The following ARHGAP15 variants were observed in gnomAD, a reference collection of about 807,000 sequenced individuals.
The protein encoded by ARHGAP15 is Rho GTPase activating protein 15.
In ARHGAP15, 51 loss-of-function variants were observed where a neutral mutation model predicts 63.7. The ratio of observed to expected loss-of-function variants is 0.80; its 90% CI spans 0.64 to 1.01. The LOEUF is 1.01. Ranked by LOEUF, ARHGAP15 falls within the 50% of genes least tolerant of loss-of-function variation. The pLI is 0.00. For missense variants in ARHGAP15, 560 were observed against 564.6 expected, an observed-to-expected ratio of 0.99 and a Z score of 0.08; for synonymous variants, 191 against 193.8, an observed-to-expected ratio of 0.99 and a Z score of 0.12.
intron 8 of ARHGAP15, among the ~76,000 whole-genome samples, chr2:143,459,777 C>T (rs1431652411): frequency 6.6e-6 from 1 of 152,006 alleles, no homozygotes; most frequent in Non-Finnish European, 1.5e-5. Context: ...AACAGTGGGC[C>T]TTTGTTTAAA....
chr2:143,476,486 G>A (rs905855089), intron 8 of ARHGAP15, among the ~76,000 whole-genome samples: 4 of 152,256 alleles, frequency 2.6e-5, no homozygotes, highest in African/African-American at 9.6e-5. Flanking sequence ...ACATTCTAAG[G>A]TTTGGGAAAA....
At chr2:143,633,469 T>G (rs963706220) in intron 12 of ARHGAP15, among the ~76,000 whole-genome samples, 7 of 152,080 alleles carry the variant, frequency 4.6e-5, no homozygotes, top group Non-Finnish European at 8.8e-5. Flanking sequence ...ATTAATTGAG[T>G]GGTAAGACAT....
At chr2:143,304,732 T>C (rs1246180578) in intron 6 of ARHGAP15, among the ~76,000 whole-genome samples, 1 of 152,054 alleles carries the variant, frequency 6.6e-6, no homozygotes, top group Non-Finnish European at 1.5e-5. Flanking sequence ...TTTAAAAAGC[T>C]CATCACTGGT....
chr2:143,608,745 C>T (rs1014509685), intron 11 of ARHGAP15: 3 of 152,152 alleles, frequency 2.0e-5, no homozygotes, highest in African/African-American at 7.2e-5. Context: ...GAAATAAAAA[C>T]ACCTGTTTTA....
At chr2:143,530,528 T>C (rs1208365761) in intron 10 of ARHGAP15, among the ~76,000 whole-genome samples, 2 of 152,206 alleles carry the variant, frequency 1.3e-5, no homozygotes, top group Non-Finnish European at 2.9e-5. Context: ...ACTATCCACT[T>C]TCTGGTTCAA....
Position 143,519,345 on chromosome 2 carries a change from T to G in ARHGAP15, c.906T>G (p.Ile302Met). 1 of 1,612,670 alleles carries G rather than the reference T, an allele frequency of 6.2e-7. No homozygotes were observed. Among genetic ancestry groups the G allele is most frequent in the South Asian group, 1.1e-5 (1 of 91,060 alleles). ...STVPWFVKQC[I>M]EAVEKRGLDV... ...TTCCGTGGTTTGTAAAGCAATGCAT[T>G]GAAGCTGTTGAGAAAAGAGGTGGGT... Residue 302 changes from isoleucine (I) to methionine (M), a missense_variant, in exon 10 of 14, where the codon ATT (isoleucine) becomes ATG (methionine). By Grantham distance (10) the Ile-to-Met change is conservative. Transcript: ENST00000295095.
At chr2:143,136,503 G>GT (rs1276813433) in intron 1 of ARHGAP15, among the ~76,000 whole-genome samples, 4 of 152,008 alleles carry the variant, frequency 2.6e-5, no homozygotes, top group Non-Finnish European at 5.9e-5. Flanking sequence ...ATTTGTACAT[G>GT]TTTGAATTAA....
At chr2:143,703,613 C>A in intron 13 of ARHGAP15, 89 bp downstream of exon 13, 1 of 979,190 alleles carries the variant, frequency 1.0e-6, no homozygotes, top group Non-Finnish European at 1.5e-6. Flanking sequence ...GCAAGAGTTT[C>A]CAAATGCGTA....
At chr2:143,179,125 T>A (rs1691125091) in intron 2 of ARHGAP15, among the ~76,000 whole-genome samples, 2 of 152,338 alleles carry the variant, frequency 1.3e-5, no homozygotes, top group East Asian at 1.9e-4. Flanking sequence ...GAGGGCTTTT[T>A]AAAAATACAG....
intron 6 of ARHGAP15, among the ~76,000 whole-genome samples, chr2:143,264,918 G>A (rs1006712144): frequency 2.6e-5 from 4 of 152,086 alleles, no homozygotes; most frequent in Non-Finnish European, 5.9e-5. Flanking sequence ...AGAACATGCA[G>A]GTGGTGCCAT....
chr2:143,425,699 C>T (rs1033433758), intron 6 of ARHGAP15, among the ~76,000 whole-genome samples: 6 of 152,018 alleles, frequency 3.9e-5, no homozygotes, highest in Non-Finnish European at 8.8e-5. Context: ...TTAAGCCTCT[C>T]ATTCATGGAA....
chr2:143,361,007 C>A (rs1281347285), intron 6 of ARHGAP15, among the ~76,000 whole-genome samples: 1 of 147,926 alleles, frequency 6.8e-6, no homozygotes, highest in Admixed American at 6.7e-5. Flanking sequence ...TTTTGTAACA[C>A]CGTCCATGTC....
intron 13 of ARHGAP15, among the ~76,000 whole-genome samples, chr2:143,734,584 G>T (rs999992593): frequency 2.0e-5 from 3 of 152,186 alleles, no homozygotes; most frequent in Admixed American, 1.3e-4. Flanking sequence ...AATTGGTATT[G>T]TCGATTTTGA....
intron 10 of ARHGAP15, among the ~76,000 whole-genome samples, chr2:143,534,880 C>CA (rs201593360): frequency 0.015 from 2,133 of 143,908 alleles, 35 homozygotes; most frequent in African/African-American, 0.051. Context: ...GAACCTGTCT[C>CA]AAAAAAAAAA....
chr2:143,345,329 A>G (rs1201638294), intron 6 of ARHGAP15, among the ~76,000 whole-genome samples: 3 of 152,138 alleles, frequency 2.0e-5, no homozygotes, highest in Non-Finnish European at 2.9e-5. Flanking sequence ...TCAAATTCTG[A>G]CTTCTGCCAT....
intron 3 of ARHGAP15, among the ~76,000 whole-genome samples, chr2:143,215,773 T>G (rs1001679967): frequency 1.3e-5 from 2 of 152,196 alleles, no homozygotes; most frequent in African/African-American, 4.8e-5. Context: ...TGAATTTCCT[T>G]TAAGAAACTT....
chr2:143,252,294 TAGAC>T (rs1345111396), intron 6 of ARHGAP15, among the ~76,000 whole-genome samples: 1 of 152,052 alleles, frequency 6.6e-6, no homozygotes, highest in Non-Finnish European at 1.5e-5. Context: ...TATGCACAGA[TAGAC>T]ATTTCAGCCA....
intron 9 of ARHGAP15, among the ~76,000 whole-genome samples, chr2:143,516,216 C>T (rs1242855854): frequency 1.3e-5 from 2 of 152,172 alleles, no homozygotes; most frequent in African/African-American, 2.4e-5. Context: ...GTTATATTAC[C>T]AGAGCCTTTC....
intron 10 of ARHGAP15, among the ~76,000 whole-genome samples, chr2:143,525,355 C>CAAAA (rs11291093): frequency 7.2e-6 from 1 of 139,480 alleles, no homozygotes; most frequent in Non-Finnish European, 1.6e-5. Flanking sequence ...TTACATGCTC[C>CAAAA]AAAAAAAAAA....
Sources: allele counts gnomAD v4.1 joint callset (sites outside exome capture counted in the v4.1 genomes callset), GRCh38; gene constraint gnomAD v4.1.1; transcripts MANE v1.5; gene names NCBI Gene and HGNC (gene_info 2026-07-23, HGNC 2026-07-21).